GPD1L: variants seen among roughly 807,000 people sequenced by gnomAD.
GPD1L encodes the protein glycerol-3-phosphate dehydrogenase 1 like, also known as glycerol-3-phosphate dehydrogenase 1-like protein.
A neutral mutation model predicts 32.9 loss-of-function variants in GPD1L; 17 were observed. The observed-to-expected ratio is 0.52, with a 90% CI of 0.35 to 0.78. The LOEUF is 0.78. Ranked by LOEUF, GPD1L falls within the 30% of genes least tolerant of loss-of-function variation. The pLI is 0.01. For synonymous variants in GPD1L, 187 were observed against 165.9 expected (o/e 1.13, Z -0.98); for missense variants, 361 against 447.8 (o/e 0.81, Z 1.75).
At chr3:32,143,122 G>A (rs1019826824) in intron 4 of GPD1L, among the ~76,000 whole-genome samples, 4 of 152,020 alleles carry the variant, frequency 2.6e-5, no homozygotes, top group African/African-American at 7.3e-5. Flanking sequence ...GAGATTGAGC[G>A]AGGCTGTAGT....
At chr3:32,109,390 C>T (rs1700215399) in intron 1 of GPD1L, among the ~76,000 whole-genome samples, 1 of 152,320 alleles carries the variant, frequency 6.6e-6, no homozygotes. Context: ...GCCCCCTCTG[C>T]TGGGATTTGG....
intron 2 of GPD1L, among the ~76,000 whole-genome samples, chr3:32,129,067 G>A (rs1700552718): frequency 6.6e-6 from 1 of 152,200 alleles, no homozygotes; most frequent in Non-Finnish European, 1.5e-5. Context: ...AGTGAAAAGG[G>A]TGTACCCTGC....
intron 7 of GPD1L, among the ~76,000 whole-genome samples, chr3:32,165,064 C>T (rs1474905797): frequency 5.3e-5 from 8 of 152,098 alleles, no homozygotes; most frequent in Non-Finnish European, 1.0e-4. Flanking sequence ...ATTAGCCAGG[C>T]GTGGTGGCAC....
intron 5 of GPD1L, chr3:32,158,608 C>T (rs1031235659): frequency 1.6e-6 from 1 of 618,056 alleles, no homozygotes; most frequent in African/African-American, 1.9e-5. Context: ...AGACTACTAT[C>T]AGCCGTTCTG....
At chr3:32,145,068 C>T (rs1249394460) in intron 4 of GPD1L, among the ~76,000 whole-genome samples, 2 of 151,638 alleles carry the variant, frequency 1.3e-5, no homozygotes, top group African/African-American at 4.8e-5. Flanking sequence ...CCTTTAATCC[C>T]AGCACTTGGG....
intron 7 of GPD1L, among the ~76,000 whole-genome samples, chr3:32,165,032 C>T (rs938454246): frequency 2.0e-5 from 3 of 152,078 alleles, no homozygotes; most frequent in Non-Finnish European, 4.4e-5. Flanking sequence ...GGTAAAACCC[C>T]GTCTCTACTA....
chr3:32,138,795 C>T (rs979205112), intron 3 of GPD1L, 68 bp downstream of exon 3: 73 of 1,501,876 alleles, frequency 4.9e-5, no homozygotes, highest in Non-Finnish European at 6.7e-5. Context: ...CTCACACTTT[C>T]ATCTGCTTGA....
At chr3:32,131,704 C>A (rs1456781014) in intron 2 of GPD1L, among the ~76,000 whole-genome samples, 1 of 152,096 alleles carries the variant, frequency 6.6e-6, no homozygotes, top group Non-Finnish European at 1.5e-5. Context: ...TGAATAATAC[C>A]TTTATGTACA....
At chr3:32,127,157 A>G (rs1451518) in intron 1 of GPD1L, among the ~76,000 whole-genome samples, 5,744 of 152,148 alleles carry the variant, frequency 0.038, 368 homozygotes, top group African/African-American at 0.13. Flanking sequence ...CATCTCATCA[A>G]TTTGTCTTGA....
chr3:32,145,787 A>T (rs1700811747), intron 4 of GPD1L, among the ~76,000 whole-genome samples: 1 of 152,252 alleles, frequency 6.6e-6, no homozygotes, highest in Non-Finnish European at 1.5e-5. Context: ...AAACTGACAT[A>T]GTTCTAACAT....
intron 1 of GPD1L, among the ~76,000 whole-genome samples, chr3:32,113,157 C>G (rs1364783986): frequency 1.6e-5 from 2 of 121,606 alleles, no homozygotes; most frequent in Non-Finnish European, 3.2e-5. Flanking sequence ...TGTAGTCATC[C>G]CTTCTCCTAT....
rs961199837 is a variant in GPD1L at position 32,133,854 on chromosome 3, C to G, written c.226-4733C>G. 2.0e-5 allele frequency among the ~76,000 whole-genome samples: 3 copies of G among 152,182 alleles called. No homozygotes were observed. The South Asian group carries it at 6.2e-4, about 31-fold the overall frequency. On this transcript the variant is annotated intron_variant, in intron 2 of 7. Transcript: ENST00000282541. ...GTGGATCCAGGAAGTACGAAAGAACCTTCAGACTTGTCCACACAGACTTCA... is the reference window on the plus strand; with the variant it reads ...GTGGATCCAGGAAGTACGAAAGAACGTTCAGACTTGTCCACACAGACTTCA...
intron 1 of GPD1L, among the ~76,000 whole-genome samples, chr3:32,124,927 A>G (rs1299987313): frequency 6.6e-6 from 1 of 152,156 alleles, no homozygotes; most frequent in African/African-American, 2.4e-5. Flanking sequence ...TGTCTCAAAC[A>G]AACAAACAGA....
chr3:32,145,706 T>C (rs947203720), intron 4 of GPD1L, among the ~76,000 whole-genome samples: 9 of 152,196 alleles, frequency 5.9e-5, no homozygotes, highest in Non-Finnish European at 1.2e-4. Flanking sequence ...ACCCAGATGA[T>C]GCAACAGTGT....
At position 32,159,654 on chromosome 3, in the gene GPD1L, A is replaced by G; in HGVS notation, c.939A>G (p.Lys313=). 1.9e-6 allele frequency: 3 copies of G among 1,606,670 alleles called. No individual in the cohort carries two copies. Among genetic ancestry groups the G allele is most frequent in the African/African-American group, 1.3e-5 (1 of 74,846 alleles). Residue 313 remains lysine (K), a synonymous_variant, in exon 7 of 8, where the codon AAA becomes AAG. Coordinates refer to ENST00000282541, the MANE Select transcript of GPD1L (RefSeq NM_015141.4). ...CTGCTGAAGTGTACCGCATCCTCAA[A>G]CAGAAGGGACTACTGGACAAGTAAG... The part of the protein sequence containing the change: ...QTSAEVYRIL[K]QKGLLDKFPL...
intron 2 of GPD1L, among the ~76,000 whole-genome samples, chr3:32,136,723 C>T (rs899083259): frequency 6.6e-6 from 1 of 152,124 alleles, no homozygotes; most frequent in Non-Finnish European, 1.5e-5. Context: ...AGAAATACTC[C>T]AGTGGTTTGC....
Position 32,161,780 on chromosome 3 carries a change from T to C in GPD1L, c.959+2106T>C, listed in dbSNP as rs1701076642. 5.9e-5 allele frequency among the ~76,000 whole-genome samples: 9 copies of C among 152,336 alleles called. No homozygotes were observed. The South Asian group carries it at 1.9e-3, about 32-fold the overall frequency. ...TGGTCATGTCCCATTTTATTTCTTC[T>C]GATTAGAGATTGAACAGGCTCCACC... On this transcript the variant is annotated intron_variant, in intron 7 of 7. Coordinates refer to ENST00000282541, the MANE Select transcript of GPD1L (RefSeq NM_015141.4).
intron 7 of GPD1L, among the ~76,000 whole-genome samples, chr3:32,160,207 G>A (rs1056454863): frequency 2.1e-5 from 3 of 145,854 alleles, no homozygotes; most frequent in African/African-American, 5.0e-5. Context: ...AGGGATGGAT[G>A]ATGGGTGGGT....
intron 4 of GPD1L, among the ~76,000 whole-genome samples, chr3:32,144,026 C>T (rs1700785644): frequency 6.6e-6 from 1 of 152,024 alleles, no homozygotes; most frequent in South Asian, 2.1e-4. Flanking sequence ...AGTGTGGGGT[C>T]CTGGATTAGG....
Sources: gnomAD v4.1 joint callset for allele counts (sites outside exome capture counted in the v4.1 genomes callset) on GRCh38, gnomAD v4.1.1 for gene constraint, MANE v1.5 for transcripts, NCBI Gene and HGNC (gene_info 2026-07-23, HGNC 2026-07-21) for gene names.